NAV3: variants seen among roughly 807,000 people sequenced by gnomAD.
NAV3 encodes the protein pore membrane and/or filament interacting like protein 1.
NAV3 carries 87 observed loss-of-function variants against 244.7 expected under a neutral mutation model. That is an observed-to-expected ratio of 0.36 (90% confidence interval 0.30 to 0.42). NAV3 has a LOEUF of 0.42. Ranked by LOEUF, NAV3 falls within the 20% of genes least tolerant of loss-of-function variation. The pLI is 1.00. For synonymous variants in NAV3, 1,126 were observed against 1,042.2 expected (o/e 1.08, Z -1.55); for missense variants, 2,663 against 2,893.3 (o/e 0.92, Z 1.83).
At chr12:77,730,395 TA>T (rs1203001978) in intron 2 of NAV3, among the ~76,000 whole-genome samples, 2 of 150,802 alleles carry the variant, frequency 1.3e-5, no homozygotes, top group African/African-American at 2.4e-5. Flanking sequence ...TTCCGGAAAC[TA>T]AAAAAAACAA....
At chr12:77,725,943 A>G (rs1258939514) in intron 2 of NAV3, among the ~76,000 whole-genome samples, 1 of 151,882 alleles carries the variant, frequency 6.6e-6, no homozygotes, top group Non-Finnish European at 1.5e-5. Flanking sequence ...AATTTTTTTC[A>G]TGCTGCATCA....
rs2138708272 is a variant in NAV3 at position 78,122,439 on chromosome 12, C to T, written c.4238+11C>T. 1.3e-6 allele frequency: 2 copies of T among 1,570,154 alleles called. No homozygotes were observed. The highest frequency in any genetic ancestry group is 1.7e-6 in the Non-Finnish European group (2 of 1,162,660). On this transcript the variant is annotated intron_variant, in intron 16 of 39. Transcript: ENST00000397909. The stretch of plus-strand genomic sequence containing the variant: ...TACTCTCTCAGAAAGGTGAGCTTTC[C>T]TGGAGGCATTGATAACATCTTCCCC...
At position 78,210,606 on chromosome 12, in the gene NAV3, A is replaced by C; in HGVS notation, c.*89A>C. 6.7e-7 allele frequency: 1 copy of C among 1,486,972 alleles called. No individual in the cohort carries two copies. 92.1% of individuals were successfully genotyped at this position (1,486,972 alleles called of 1,614,324 possible). ...TTCACTAAACCACTGCCAGTATAAA[A>C]GCACCCTGTCAAGGGCCCTGACCCA... On this transcript the variant is annotated 3_prime_UTR_variant, in exon 40 of 40. Coordinates refer to ENST00000397909, the MANE Select transcript of NAV3 (RefSeq NM_001024383.2).
chr12:77,946,365 G>A (rs1168961619), intron 3 of NAV3, among the ~76,000 whole-genome samples: 1 of 151,484 alleles, frequency 6.6e-6, no homozygotes, highest in Non-Finnish European at 1.5e-5. Flanking sequence ...CTTTTGAATA[G>A]CATAGTCCAA....
chr12:77,646,937 T>C (rs987828080), intron 2 of NAV3, among the ~76,000 whole-genome samples: 6 of 152,092 alleles, frequency 3.9e-5, no homozygotes, highest in African/African-American at 1.4e-4. Flanking sequence ...CCATCCGAGC[T>C]TGCTGATACT....
intron 12 of NAV3, among the ~76,000 whole-genome samples, chr12:78,103,573 GT>G (rs1481874761): frequency 1.3e-5 from 2 of 152,044 alleles, no homozygotes; most frequent in African/African-American, 4.8e-5. Flanking sequence ...TTGTTAGTCC[GT>G]TTTCACACTG....
intron 2 of NAV3, among the ~76,000 whole-genome samples, chr12:77,709,873 C>A (rs73410445): frequency 0.017 from 2,517 of 152,238 alleles, 72 homozygotes; most frequent in African/African-American, 0.058. Flanking sequence ...TTCAAACTAT[C>A]TTTTAAGCTA....
Position 78,008,038 on chromosome 12 carries a change from A to G in NAV3, c.1907+593A>G, listed in dbSNP as rs1874542152. Reference sequence around the variant, plus strand: ...AGAGTTGAGACTATTAACAGAGGTCATGCATATAACATGTTTACTGTATAT... The same window carrying G: ...AGAGTTGAGACTATTAACAGAGGTCGTGCATATAACATGTTTACTGTATAT... On this transcript the variant is annotated intron_variant, in intron 8 of 39. Transcript: ENST00000397909. 4.6e-5 allele frequency among the ~76,000 whole-genome samples: 7 copies of G among 152,224 alleles called. No homozygotes were observed. In the South Asian group the frequency reaches 1.4e-3, roughly 31 times the overall value.
chr12:77,692,794 G>T (rs1657254940), intron 2 of NAV3, among the ~76,000 whole-genome samples: 1 of 151,880 alleles, frequency 6.6e-6, no homozygotes, highest in African/African-American at 2.4e-5. Context: ...CCCTTATAAA[G>T]CTTAATAGTC....
chr12:78,105,396 A>T (rs1285975669), intron 12 of NAV3, among the ~76,000 whole-genome samples: 3 of 152,072 alleles, frequency 2.0e-5, no homozygotes, highest in Non-Finnish European at 4.4e-5. Flanking sequence ...GGTTCCTGTG[A>T]GAATTAACTG....
intron 2 of NAV3, among the ~76,000 whole-genome samples, chr12:77,798,923 A>G (rs970303307): frequency 6.6e-6 from 1 of 152,160 alleles, no homozygotes; most frequent in African/African-American, 2.4e-5. Flanking sequence ...AACACCCCCA[A>G]ACCATTTATT....
intron 2 of NAV3, among the ~76,000 whole-genome samples, chr12:77,757,784 T>C (rs7304441): frequency 0.48 from 72,276 of 151,998 alleles, 17,361 homozygotes; most frequent in Middle Eastern, 0.54. Context: ...CTCAAAGGAA[T>C]GTGGAACTAT....
chr12:77,779,022 G>A (rs765181769), intron 2 of NAV3, among the ~76,000 whole-genome samples: 1 of 152,156 alleles, frequency 6.6e-6, no homozygotes, highest in Non-Finnish European at 1.5e-5. Flanking sequence ...ATTTAAAAAA[G>A]TTTTACTTGC....
At chr12:78,180,783 CA>C (rs1958464458) in intron 29 of NAV3, 87 bp from the exon 30 acceptor site, 2 of 1,006,570 alleles carry the variant, frequency 2.0e-6, no homozygotes, top group African/African-American at 3.3e-5. Context: ...ATTTAACAAA[CA>C]AGCTAATTAA....
intron 7 of NAV3, among the ~76,000 whole-genome samples, chr12:78,004,395 T>G (rs1486061656): frequency 6.6e-6 from 1 of 152,140 alleles, no homozygotes; most frequent in Non-Finnish European, 1.5e-5. Context: ...TTGGGGACCA[T>G]AGACAAGAGG....
In NAV3 at chr12:78,086,589, C is replaced by T. The variant is rs148489648; in HGVS notation, c.2636+27474C>T. 2.3e-3 allele frequency among the ~76,000 whole-genome samples: 356 copies of T among 152,096 alleles called. 2 individuals are homozygous for T. The highest frequency in any genetic ancestry group is 7.8e-3 in the African/African-American group (322 of 41,548). On this transcript the variant is annotated intron_variant, in intron 12 of 39. Coordinates refer to ENST00000397909, the MANE Select transcript of NAV3 (RefSeq NM_001024383.2). ...AATGTGGATACTATTTACCTGCAAC[C>T]TCTTAAATTTGTATGCCTAATGAGA... is the stretch of plus-strand genomic sequence containing the variant.
chr12:77,880,211 C>T (rs1301464275), intron 1 of NAV3, among the ~76,000 whole-genome samples: 2 of 152,128 alleles, frequency 1.3e-5, no homozygotes, highest in Non-Finnish European at 2.9e-5. Context: ...TCATGAGTCG[C>T]ACAATTCTGT....
intron 2 of NAV3, among the ~76,000 whole-genome samples, chr12:77,796,275 G>A (rs1351873275): frequency 6.6e-6 from 1 of 152,110 alleles, no homozygotes; most frequent in African/African-American, 2.4e-5. Context: ...GATGACTTTG[G>A]GGGTTTCAAG....
intron 2 of NAV3, among the ~76,000 whole-genome samples, chr12:77,761,861 C>A (rs1240646884): frequency 6.6e-6 from 1 of 152,188 alleles, no homozygotes; most frequent in African/African-American, 2.4e-5. Flanking sequence ...TTGTGAAAGA[C>A]AGGATGGTGA....
Sources: allele counts gnomAD v4.1 joint callset (sites outside exome capture counted in the v4.1 genomes callset), GRCh38; gene constraint gnomAD v4.1.1; transcripts MANE v1.5; gene names NCBI Gene and HGNC (gene_info 2026-07-23, HGNC 2026-07-21).